PTPRK: variants seen among roughly 807,000 people sequenced by gnomAD.
The protein encoded by PTPRK is protein tyrosine phosphatase receptor type K.
PTPRK carries 75 observed loss-of-function variants against 178.0 expected under a neutral mutation model. That is an observed-to-expected ratio of 0.42 (90% CI 0.35 to 0.51). The LOEUF is 0.51. Ranked by LOEUF, PTPRK falls within the 20% of genes least tolerant of loss-of-function variation. PTPRK has a pLI of 0.02. For missense variants in PTPRK, 1,441 were observed against 1,797.8 expected (o/e 0.80, Z 3.59); for synonymous variants, 637 against 620.6 (o/e 1.03, Z -0.39).
intron 7 of PTPRK, among the ~76,000 whole-genome samples, chr6:128,171,464 T>C (rs1272537238): frequency 1.3e-5 from 2 of 152,004 alleles, no homozygotes; most frequent in Non-Finnish European, 1.5e-5. Context: ...TATGCCTTGT[T>C]ATCCTGCCAA....
Position 128,520,407 on chromosome 6 carries a change from G to C in PTPRK, c.-49C>G. 1 of 1,538,466 alleles carries C rather than the reference G, an allele frequency of 6.5e-7. No homozygotes were observed. Among genetic ancestry groups the C allele is most frequent in the Non-Finnish European group, 8.8e-7 (1 of 1,132,492 alleles). ...GCAGCTTTGCAAAGAGCTGCCGGGG[G>C]GATCGCCGCGAAATCCACGACGGAG... On this transcript the variant is annotated 5_prime_UTR_variant, in exon 1 of 30. Transcript: ENST00000368226.
At chr6:127,985,619 A>C (rs1344375062) in intron 22 of PTPRK, 102 bp downstream of exon 22, 10 of 1,302,962 alleles carry the variant, frequency 7.7e-6, no homozygotes, top group Non-Finnish European at 1.0e-5. Context: ...AGCAAGCTGG[A>C]ACTTCGTAAG....
rs1262178467 is a variant in PTPRK, at chr6:128,135,134, C to A, written c.1163-45142G>T. On this transcript the variant is annotated intron_variant, in intron 7 of 29. Transcript: ENST00000368226. Reference sequence around the variant, plus strand: ...CACACACTCTCCTAATAATTTAGTTCTATTTCTCTGGAGGACCCTAATATA... The same window carrying A: ...CACACACTCTCCTAATAATTTAGTTATATTTCTCTGGAGGACCCTAATATA... 1.3e-5 allele frequency among the ~76,000 whole-genome samples: 2 copies of A among 150,044 alleles called. 1 individual carries two copies. Among genetic ancestry groups the A allele is most frequent in the South Asian group, 4.2e-4 (2 of 4,762 alleles).
intron 2 of PTPRK, among the ~76,000 whole-genome samples, chr6:128,341,353 C>T (rs1469778782): frequency 2.6e-5 from 4 of 152,148 alleles, no homozygotes; most frequent in African/African-American, 9.6e-5. Context: ...TCTGCATTCA[C>T]ATTGTAGTTT....
At chr6:127,980,345 C>T (rs961737962) in intron 25 of PTPRK, among the ~76,000 whole-genome samples, 1 of 151,504 alleles carries the variant, frequency 6.6e-6, no homozygotes. Flanking sequence ...ACAAAATAAG[C>T]GGGGTGTGGT....
chr6:128,304,002 C>T (rs924008216), intron 3 of PTPRK, among the ~76,000 whole-genome samples: 7 of 152,158 alleles, frequency 4.6e-5, no homozygotes, highest in African/African-American at 9.7e-5. Context: ...CACAGCCCCA[C>T]GACTTATGCA....
chr6:128,290,121 C>T (rs1046356605), intron 3 of PTPRK, among the ~76,000 whole-genome samples: 6 of 152,004 alleles, frequency 3.9e-5, no homozygotes, highest in Non-Finnish European at 5.9e-5. Flanking sequence ...TGTTCAGATG[C>T]GCTTCTTTGG....
At chr6:128,457,540 T>C (rs1344845944) in intron 1 of PTPRK, among the ~76,000 whole-genome samples, 2 of 152,264 alleles carry the variant, frequency 1.3e-5, no homozygotes, top group East Asian at 3.9e-4. Context: ...AGCTAATCAC[T>C]TGCAATAAAT....
chr6:128,184,968 A>G (rs1415100481), intron 6 of PTPRK, among the ~76,000 whole-genome samples: 1 of 152,102 alleles, frequency 6.6e-6, no homozygotes, highest in Non-Finnish European at 1.5e-5. Flanking sequence ...TTTTCAGGAG[A>G]TCAACTTGTA....
chr6:128,185,502 G>A (rs17055421), intron 6 of PTPRK, among the ~76,000 whole-genome samples: 3,366 of 151,862 alleles, frequency 0.022, 100 homozygotes, highest in African/African-American at 0.046. Context: ...ATGAGACACC[G>A]AACTTTATGA....
chr6:128,467,097 C>G (rs779997706), intron 1 of PTPRK, among the ~76,000 whole-genome samples: 28 of 152,086 alleles, frequency 1.8e-4, no homozygotes, highest in Non-Finnish European at 3.2e-4. Flanking sequence ...ATTGACATCC[C>G]AGGGTGATCC....
At chr6:128,517,879 G>A (rs1305894882) in intron 1 of PTPRK, among the ~76,000 whole-genome samples, 2 of 151,986 alleles carry the variant, frequency 1.3e-5, no homozygotes, top group African/African-American at 4.8e-5. Context: ...TTCTCAAAAG[G>A]AATAAAAGTT....
intron 1 of PTPRK, among the ~76,000 whole-genome samples, chr6:128,405,227 C>T (rs1841514610): frequency 6.6e-6 from 1 of 152,146 alleles, no homozygotes. Flanking sequence ...TAACACTATA[C>T]TATCACTCTT....
At chr6:128,067,237 G>A (rs1238093956) in intron 12 of PTPRK, among the ~76,000 whole-genome samples, 1 of 152,062 alleles carries the variant, frequency 6.6e-6, no homozygotes, top group Non-Finnish European at 1.5e-5. Flanking sequence ...GCACACCCAC[G>A]TTTTCAAATC....
intron 4 of PTPRK, among the ~76,000 whole-genome samples, chr6:128,240,867 A>C (rs1480272484): frequency 6.6e-6 from 1 of 152,218 alleles, no homozygotes; most frequent in Non-Finnish European, 1.5e-5. Flanking sequence ...TTTAAAACTG[A>C]AGCCTCATCC....
At chr6:128,073,616 T>C (rs1313980745) in intron 11 of PTPRK, among the ~76,000 whole-genome samples, 1 of 151,982 alleles carries the variant, frequency 6.6e-6, no homozygotes, top group Non-Finnish European at 1.5e-5. Context: ...GTTGCTAAGC[T>C]AAGACAGGTC....
At chr6:128,083,673 C>A (rs762637795) in intron 9 of PTPRK, 42 bp downstream of exon 9, 12 of 1,278,828 alleles carry the variant, frequency 9.4e-6, no homozygotes, top group Non-Finnish European at 1.2e-5. Context: ...CCTTTTAGTC[C>A]TTCAATCCAC....
chr6:128,027,884 G>GC (rs1475125074), intron 13 of PTPRK: 2 of 152,228 alleles, frequency 1.3e-5, no homozygotes, highest in African/African-American at 4.8e-5. Context: ...AAGCCACTGT[G>GC]CCCAGCTGTA....
chr6:128,037,705 A>G (rs552416614), intron 13 of PTPRK, among the ~76,000 whole-genome samples: 3 of 152,310 alleles, frequency 2.0e-5, no homozygotes, highest in African/African-American at 7.2e-5. Flanking sequence ...GTCAGTAAAT[A>G]AATTTTGTGC....
Sources: allele counts gnomAD v4.1 joint callset (sites outside exome capture counted in the v4.1 genomes callset), GRCh38; gene constraint gnomAD v4.1.1; transcripts MANE v1.5; gene names NCBI Gene and HGNC (gene_info 2026-07-23, HGNC 2026-07-21).